AHI1: variants seen among roughly 807,000 people sequenced by gnomAD.
AHI1 encodes the protein jouberin.
A neutral mutation model predicts 149.3 loss-of-function variants in AHI1; 123 were observed. That is an observed-to-expected ratio of 0.82 (90% CI 0.71 to 0.96). AHI1 has a LOEUF of 0.96. Ranked by LOEUF, AHI1 falls within the 40% of genes least tolerant of loss-of-function variation. AHI1 has a pLI of 0.00. For missense variants in AHI1, 1,439 were observed against 1,422.7 expected (o/e 1.01, Z -0.18); for synonymous variants, 475 against 459.8 (o/e 1.03, Z -0.42).
chr6:135,389,605 C>T lies in AHI1; in HGVS notation c.3109+5171G>A, dbSNP rs370567171. On this transcript the variant is annotated intron_variant, in intron 23 of 28. Transcript: ENST00000265602. ...AAATCATGTCATCCCTATCACCACA[C>T]TGTAAGTTTACAATTAATAAAGATA... 9.1e-4 allele frequency among the ~76,000 whole-genome samples: 138 copies of T among 152,274 alleles called. 2 individuals are homozygous for T. The highest frequency in any genetic ancestry group is 2.9e-3 in the African/African-American group (122 of 41,548).
Position 135,439,640 on chromosome 6 carries a change from C to T in AHI1, c.1913-1142G>A, listed in dbSNP as rs562764276. Among the ~76,000 whole-genome samples the T allele has an allele frequency of 1.1e-4, 17 of 152,236 alleles. No homozygotes were observed. In the East Asian group the frequency reaches 2.1e-3, roughly 19 times the overall value. ...CTTCTATCCGTGAAATTGTGAAGAA[C>T]GAAAAAGAGGTTTGTGCTAGTTTTG... On this transcript the variant is annotated intron_variant, in intron 14 of 28. Coordinates refer to ENST00000265602, the MANE Select transcript of AHI1 (RefSeq NM_001134831.2).
At chr6:135,340,654 CATACATATATATATAT>C (rs1403700167) in intron 24 of AHI1, among the ~76,000 whole-genome samples, 1,945 of 58,600 alleles carry the variant, frequency 0.033, 54 homozygotes, top group Non-Finnish European at 0.047. Context: ...TATATACATA[CATACATATATATATAT>C]ATATATATAT....
chr6:135,364,379 C>G (rs1158606718), intron 23 of AHI1, among the ~76,000 whole-genome samples: 1 of 150,864 alleles, frequency 6.6e-6, no homozygotes, highest in East Asian at 2.0e-4. Context: ...GGGATGGCAG[C>G]CGGGCAGAGA....
intron 17 of AHI1, 56 bp downstream of exon 17, chr6:135,431,152 T>G (rs571236957): frequency 8.4e-7 from 1 of 1,195,022 alleles, no homozygotes; most frequent in Middle Eastern, 2.8e-4. Flanking sequence ...AGTCATGTGA[T>G]TGGATTTTTC....
intron 20 of AHI1, among the ~76,000 whole-genome samples, chr6:135,425,400 G>GA (rs1783784623): frequency 6.6e-6 from 1 of 151,800 alleles, no homozygotes; most frequent in Non-Finnish European, 1.5e-5. Context: ...AAAGAGAGGA[G>GA]AAAAAACTCT....
intron 23 of AHI1, among the ~76,000 whole-genome samples, chr6:135,385,766 G>C (rs1022271272): frequency 2.0e-5 from 3 of 152,114 alleles, no homozygotes; most frequent in African/African-American, 7.2e-5. Flanking sequence ...GAAATCCCTG[G>C]AAAGTGAAGG....
At chr6:135,382,894 TAAAAAAAAAAAAAAAA>T (rs573438726) in intron 23 of AHI1, among the ~76,000 whole-genome samples, 1 of 15,590 alleles carries the variant, frequency 6.4e-5, no homozygotes, top group African/African-American at 2.9e-4. Context: ...GCAAAATTAG[TAAAAAAAAAAAAAAAA>T]AAAAAAAAAA....
intron 23 of AHI1, among the ~76,000 whole-genome samples, chr6:135,369,116 C>T (rs565513023): frequency 9.9e-4 from 151 of 152,334 alleles, no homozygotes; most frequent in Middle Eastern, 3.4e-3. Context: ...TTCCTCTACC[C>T]CTATATTTCA....
chr6:135,425,845 T>C (rs1783844055), intron 20 of AHI1, among the ~76,000 whole-genome samples: 1 of 151,764 alleles, frequency 6.6e-6, no homozygotes, highest in Non-Finnish European at 1.5e-5. Context: ...ATCCTGTCAG[T>C]GACAAAAAAT....
At chr6:135,334,455 T>C (rs555919697) in intron 24 of AHI1, among the ~76,000 whole-genome samples, 6 of 152,300 alleles carry the variant, frequency 3.9e-5, no homozygotes, top group Non-Finnish European at 7.3e-5. Context: ...TCTCCAGAAA[T>C]GTGAGAAATA....
intron 24 of AHI1, among the ~76,000 whole-genome samples, chr6:135,324,320 C>T (rs1787313810): frequency 6.6e-6 from 1 of 151,462 alleles, no homozygotes. Context: ...GCAGGAAGAC[C>T]TTGTCTCTAA....
rs751823180 is a variant in AHI1 at position 135,428,628 on chromosome 6, C to T, written c.2623+1G>A. On this transcript the variant is annotated splice_donor_variant, in intron 19 of 28. Coordinates refer to ENST00000265602, the MANE Select transcript of AHI1 (RefSeq NM_001134831.2). LOFTEE classifies it high-confidence loss of function. ...ATTTTTAAAGTTCAATAAACATTCA[C>T]CTGTTTCTGGGTTCCAAACATACAC... The T allele has an allele frequency of 7.5e-6, 12 of 1,596,698 alleles. No homozygotes were observed. In the African/African-American group the frequency reaches 1.6e-4, roughly 21 times the overall value.
intron 26 of AHI1, among the ~76,000 whole-genome samples, chr6:135,303,911 G>A (rs1174265552): frequency 6.6e-6 from 1 of 152,126 alleles, no homozygotes; most frequent in Non-Finnish European, 1.5e-5. Context: ...CTCTAAACAA[G>A]ACTAGAAAGG....
chr6:135,367,759 T>A (rs572192657), intron 23 of AHI1, among the ~76,000 whole-genome samples: 40 of 152,274 alleles, frequency 2.6e-4, no homozygotes, highest in African/African-American at 9.4e-4. Flanking sequence ...ATATCCTGTA[T>A]CATTTAAAAA....
rs183439944 is a variant in AHI1, at chr6:135,309,249, C to A, written c.3427-8691G>T. Among the ~76,000 whole-genome samples, 18 of 152,302 alleles carry A rather than the reference C, an allele frequency of 1.2e-4. No homozygotes were observed. In the East Asian group the frequency reaches 3.3e-3, roughly 28 times the overall value. ...CTATGGGTATGAGGTAAAGGTAACT[C>A]ACACAGGCTTTGCTGTTACATCACT... On this transcript the variant is annotated intron_variant, in intron 26 of 28. Transcript: ENST00000265602.
intron 23 of AHI1, among the ~76,000 whole-genome samples, chr6:135,370,919 T>G (rs539965562): frequency 6.6e-6 from 1 of 152,300 alleles, no homozygotes; most frequent in South Asian, 2.1e-4. Flanking sequence ...AGTTCCCTTC[T>G]GGATTCTAAC....
At chr6:135,316,028 T>C (rs1322132640) in intron 26 of AHI1, among the ~76,000 whole-genome samples, 1 of 145,878 alleles carries the variant, frequency 6.9e-6, no homozygotes, top group Non-Finnish European at 1.5e-5. Flanking sequence ...TGCCCACCAG[T>C]ATTATCCCCC....
chr6:135,369,125 C>T (rs1003136337), intron 23 of AHI1, among the ~76,000 whole-genome samples: 1 of 152,224 alleles, frequency 6.6e-6, no homozygotes, highest in African/African-American at 2.4e-5. Flanking sequence ...CCCTATATTT[C>T]ACTCGGCTCT....
intron 27 of AHI1, among the ~76,000 whole-genome samples, chr6:135,300,222 G>A (rs571911148): frequency 1.6e-4 from 25 of 151,848 alleles, no homozygotes; most frequent in African/African-American, 5.6e-4. Context: ...CTACTTGGGA[G>A]GCTGAGGCAG....
Sources: gnomAD v4.1 joint callset for allele counts (sites outside exome capture counted in the v4.1 genomes callset) on GRCh38, gnomAD v4.1.1 for gene constraint, MANE v1.5 for transcripts, NCBI Gene and HGNC (gene_info 2026-07-23, HGNC 2026-07-21) for gene names.